The following CLEC16A variants were observed in gnomAD, a reference collection of about 807,000 sequenced individuals.
CLEC16A encodes the protein C-type lectin domain containing 16A.
A neutral mutation model predicts 109.5 loss-of-function variants in CLEC16A; 51 were observed. The ratio of observed to expected loss-of-function variants is 0.47; its 90% CI spans 0.37 to 0.59. The LOEUF (loss-of-function observed/expected upper bound fraction) is 0.59, where lower values mean the gene tolerates loss of function less well. Ranked by LOEUF, CLEC16A falls within the 20% of genes least tolerant of loss-of-function variation. CLEC16A has a pLI of 0.00. For synonymous variants in CLEC16A, 673 were observed against 564.2 expected (o/e 1.19, Z -2.73); for missense variants, 1,339 against 1,394.0 (o/e 0.96, Z 0.63).
At chr16:11,115,844 A>G (rs994906379) in intron 19 of CLEC16A, among the ~76,000 whole-genome samples, 1 of 151,644 alleles carries the variant, frequency 6.6e-6, no homozygotes, top group Admixed American at 6.6e-5. Flanking sequence ...TGTACATTTT[A>G]TGTTAATATA....
At chr16:11,010,818 A>G (rs2045360611) in intron 11 of CLEC16A, among the ~76,000 whole-genome samples, 1 of 152,154 alleles carries the variant, frequency 6.6e-6, no homozygotes, top group Non-Finnish European at 1.5e-5. Flanking sequence ...GAACATTTCC[A>G]CGATCTCTTT....
chr16:11,025,063 A>C, intron 13 of CLEC16A, 142 bp downstream of exon 13: 3 of 603,008 alleles, frequency 5.0e-6, no homozygotes, highest in South Asian at 2.0e-5. Context: ...TTTGGTTTTG[A>C]CTCCCGCTCC....
intron 11 of CLEC16A, among the ~76,000 whole-genome samples, chr16:11,010,950 G>A (rs984492588): frequency 1.3e-5 from 2 of 152,130 alleles, no homozygotes; most frequent in African/African-American, 2.4e-5. Flanking sequence ...GAGATTATGC[G>A]TTCTTGGCTG....
intron 11 of CLEC16A, among the ~76,000 whole-genome samples, chr16:11,011,344 T>C (rs185866254): frequency 6.6e-6 from 1 of 152,312 alleles, no homozygotes; most frequent in East Asian, 1.9e-4. Context: ...ATTTATTTAT[T>C]TATCTCTTAT....
rs1477946721 is a variant in CLEC16A, at chr16:11,024,905, C to A, written c.1521C>A (p.Ala507=). The change falls in exon 13 of 24, where the codon GCC becomes GCA. Residue 507 remains alanine, a synonymous_variant. Transcript: ENST00000409790. The part of the protein sequence containing the change: ...HALFVLCLLY[A]MSHNKGMDPE... ...TGTTCGTGCTCTGCCTCCTCTATGC[C>A]ATGTCTCATAATAAAGGTAAGCACC... 6.2e-7 allele frequency: 1 copy of A among 1,607,964 alleles called. No homozygotes were observed. Among genetic ancestry groups the A allele is most frequent in the Non-Finnish European group, 8.5e-7 (1 of 1,177,072 alleles).
In CLEC16A at chr16:11,179,335, C is replaced by A. The variant is rs201694093; in HGVS notation, c.*645C>A. 1 of 152,074 alleles carries A rather than the reference C, an allele frequency of 6.6e-6. No homozygotes were observed. The highest frequency in any genetic ancestry group is 6.5e-5 in the Admixed American group (1 of 15,268). 9.4% of individuals were successfully genotyped at this position (152,074 alleles called of 1,614,324 possible). A position where few individuals can be genotyped will look rare whatever the true frequency, so the allele number is the denominator to read the frequency against. ...GCTTTTTCCATTTATTTAAGTGATT[C>A]TTTGTTACTCACTAACTCTGCAAGC... is the stretch of plus-strand genomic sequence containing the variant. On this transcript the variant is annotated 3_prime_UTR_variant, in exon 24 of 24. Coordinates refer to ENST00000409790, the MANE Select transcript of CLEC16A (RefSeq NM_015226.3).
chr16:11,071,467 C>T lies in CLEC16A; in HGVS notation c.2116+10445C>T, dbSNP rs115126730. 4.5e-3 allele frequency among the ~76,000 whole-genome samples: 692 copies of T among 152,174 alleles called. 5 individuals are homozygous for T. Among genetic ancestry groups the T allele is most frequent in the Middle Eastern group, 0.031 (9 of 294 alleles). ...TTTCTAGATAATTGAAACAAAGTGA[C>T]ATGACAGTTGTCAGCCTGGATTGAT... On this transcript the variant is annotated intron_variant, in intron 19 of 23. Coordinates refer to ENST00000409790, the MANE Select transcript of CLEC16A (RefSeq NM_015226.3).
chr16:11,046,280 T>C (rs16957966), intron 16 of CLEC16A, among the ~76,000 whole-genome samples: 30,968 of 152,094 alleles, frequency 0.2, 4,179 homozygotes, highest in African/African-American at 0.39. Context: ...CCAACCCAGA[T>C]TTTTCTTACT....
rs1368611224 is a variant in CLEC16A at position 11,139,451 on chromosome 16, AT to A, written c.2641+13313del. Among the ~76,000 whole-genome samples the A allele has an allele frequency of 2.6e-5, 4 of 152,064 alleles. No homozygotes were observed. The South Asian group carries it at 6.2e-4, about 24-fold the overall frequency. The stretch of plus-strand genomic sequence containing the variant: ...TTTCTCCAAAAACACACACAGTATT[AT>A]TTTTTTTAACATCTCAAATTCCCAA... On this transcript the variant is annotated intron_variant, in intron 22 of 23. Transcript: ENST00000409790.
intron 10 of CLEC16A, among the ~76,000 whole-genome samples, chr16:10,986,601 A>G (rs1054700952): frequency 6.6e-6 from 1 of 152,046 alleles, no homozygotes; most frequent in Non-Finnish European, 1.5e-5. Context: ...GAGTTTGACA[A>G]TTTTAGATAC....
chr16:10,996,238 C>G (rs1170257434), intron 10 of CLEC16A, among the ~76,000 whole-genome samples: 2 of 152,232 alleles, frequency 1.3e-5, no homozygotes, highest in African/African-American at 4.8e-5. Context: ...GCCTGAAGAA[C>G]CCCTTTGTGA....
chr16:10,948,279 T>G (rs1298883548), intron 1 of CLEC16A, among the ~76,000 whole-genome samples: 1 of 152,202 alleles, frequency 6.6e-6, no homozygotes, highest in East Asian at 1.9e-4. Context: ...TTAGCTTCAT[T>G]ATTCTTTGTA....
rs1353852394 is a variant in CLEC16A at position 10,961,321 on chromosome 16, G to C, written c.210-1134G>C. ...TTTCATTTATCCGTTCATGGATTCAGACAGAATCAGGCAGCACTGAGTAAG... is the reference window on the plus strand; with the variant it reads ...TTTCATTTATCCGTTCATGGATTCACACAGAATCAGGCAGCACTGAGTAAG... On this transcript the variant is annotated intron_variant, in intron 2 of 23. Transcript: ENST00000409790. This position sits in a 1 kb window ranked among gnomAD's most constrained non-coding sequence, Gnocchi z 4.3. Among the ~76,000 whole-genome samples, 1 of 152,136 alleles carries C rather than the reference G, an allele frequency of 6.6e-6. No individual in the cohort carries two copies. The highest frequency in any genetic ancestry group is 1.5e-5 in the Non-Finnish European group (1 of 68,032).
intron 10 of CLEC16A, among the ~76,000 whole-genome samples, chr16:10,996,495 T>G (rs912462529): frequency 6.6e-6 from 1 of 152,226 alleles, no homozygotes; most frequent in African/African-American, 2.4e-5. Flanking sequence ...CTGAGCTGGC[T>G]TTCCTACTAT....
chr16:11,126,406 A>G (rs2052823728), intron 22 of CLEC16A: 10 of 1,427,448 alleles, frequency 7.0e-6, no homozygotes, highest in South Asian at 1.5e-5. Flanking sequence ...AGAATTGACT[A>G]AGAATTTTCT....
At chr16:11,057,433 G>A (rs1049967214) in intron 18 of CLEC16A, among the ~76,000 whole-genome samples, 5 of 152,220 alleles carry the variant, frequency 3.3e-5, no homozygotes, top group Admixed American at 6.5e-5. Flanking sequence ...GGCACGTCAC[G>A]TGATTACCAA....
intron 8 of CLEC16A, among the ~76,000 whole-genome samples, chr16:10,977,789 A>T (rs879258372): frequency 6.6e-6 from 1 of 152,176 alleles, no homozygotes; most frequent in Non-Finnish European, 1.5e-5. Flanking sequence ...AAGTGCTGGG[A>T]TTATGGCCAG....
chr16:11,174,067 C>G lies in CLEC16A; in HGVS notation c.2807-4268C>G. ...TCGCCCCTCGTCAGTGCTCAGCGTC[C>G]GCTGCTGCTCAGTGTCCCCTCCATG... On this transcript the variant is annotated intron_variant, in intron 23 of 23. Transcript: ENST00000409790. This position sits in a 1 kb window ranked among gnomAD's most constrained non-coding sequence, Gnocchi z 4.7. 2.4e-6 allele frequency: 1 copy of G among 413,986 alleles called. No individual in the cohort carries two copies. The highest frequency in any genetic ancestry group is 2.6e-5 in the Admixed American group (1 of 39,194). 25.6% of individuals were successfully genotyped at this position (413,986 alleles called of 1,614,324 possible).
At chr16:11,146,803 A>T (rs996295736) in intron 22 of CLEC16A, among the ~76,000 whole-genome samples, 3 of 152,124 alleles carry the variant, frequency 2.0e-5, no homozygotes, top group African/African-American at 7.2e-5. Context: ...GGTGGAGCCA[A>T]CAGATCTTTA....
Sources: allele counts gnomAD v4.1 joint callset (sites outside exome capture counted in the v4.1 genomes callset), GRCh38; gene constraint gnomAD v4.1.1; non-coding constraint Gnocchi (gnomAD v3.1); transcripts MANE v1.5; gene names NCBI Gene and HGNC (gene_info 2026-07-23, HGNC 2026-07-21).